The following DNAJC17 variants were observed in gnomAD, a reference collection of about 807,000 sequenced individuals.
DNAJC17 encodes DnaJ heat shock protein family (Hsp40) member C17.
A neutral mutation model predicts 48.1 loss-of-function variants in DNAJC17; 35 were observed. That is an observed-to-expected ratio of 0.73 (90% CI 0.56 to 0.96). The LOEUF is 0.96. Ranked by LOEUF, DNAJC17 falls within the 50% of genes least tolerant of loss-of-function variation. The pLI is 0.00. For missense variants in DNAJC17, 355 were observed against 377.1 expected (o/e 0.94, Z 0.48); for synonymous variants, 117 against 142.7 (o/e 0.82, Z 1.28).
rs763466280 is a variant in DNAJC17 at position 40,769,605 on chromosome 15, C to G, written c.793-1543G>C. ...GTTCCTGCTCGTGAGGGCCTGACAG[C>G]GGGGCTGAGTCACCCATACCAGCTA... On this transcript the variant is annotated intron_variant, in intron 10 of 10. Coordinates refer to ENST00000220496, the MANE Select transcript of DNAJC17 (RefSeq NM_018163.3). This position sits in a 1 kb window ranked among gnomAD's most constrained non-coding sequence, Gnocchi z 4.2. 6.6e-6 allele frequency among the ~76,000 whole-genome samples: 1 copy of G among 152,358 alleles called. No individual in the cohort carries two copies. Among genetic ancestry groups the G allele is most frequent in the South Asian group, 2.1e-4 (1 of 4,832 alleles).
chr15:40,768,519 G>T (rs1000581857), intron 10 of DNAJC17, among the ~76,000 whole-genome samples: 1 of 152,150 alleles, frequency 6.6e-6, no homozygotes, highest in Non-Finnish European at 1.5e-5. Context: ...CTCTATGCCC[G>T]GTGCCCTGTG....
intron 2 of DNAJC17, 127 bp from the exon 3 acceptor site, chr15:40,779,730 G>T: frequency 8.4e-7 from 1 of 1,195,466 alleles, no homozygotes; most frequent in Non-Finnish European, 1.2e-6. Flanking sequence ...ATCAGCAGAT[G>T]ACAGACCAAC....
chr15:40,775,516 G>A (rs1468257156), intron 7 of DNAJC17, 37 bp downstream of exon 7: 1 of 1,610,056 alleles, frequency 6.2e-7, no homozygotes, highest in East Asian at 2.2e-5. Flanking sequence ...GAGGCGGTGT[G>A]AGTGTGAGGT....
intron 10 of DNAJC17, among the ~76,000 whole-genome samples, chr15:40,773,482 C>T (rs1889215751): frequency 6.6e-6 from 1 of 152,158 alleles, no homozygotes; most frequent in Admixed American, 6.6e-5. Context: ...AGGAGAGTCC[C>T]AACAGGAGGC....
intron 1 of DNAJC17, among the ~76,000 whole-genome samples, chr15:40,795,567 G>C (rs938884047): frequency 2.0e-5 from 3 of 152,116 alleles, no homozygotes; most frequent in African/African-American, 7.2e-5. Context: ...AAATGAAAAA[G>C]AACCAGGCAG....
At chr15:40,776,744 A>T in intron 4 of DNAJC17, 117 bp from the exon 5 acceptor site, 1 of 960,176 alleles carries the variant, frequency 1.0e-6, no homozygotes, top group East Asian at 2.4e-5. Context: ...TCATACAGTA[A>T]CTCTGCCCCC....
At chr15:40,789,619 G>C (rs1214270498) in intron 1 of DNAJC17, among the ~76,000 whole-genome samples, 1 of 151,840 alleles carries the variant, frequency 6.6e-6, no homozygotes, top group Non-Finnish European at 1.5e-5. Context: ...AACTCCTAGA[G>C]GCCTGGGTCT....
intron 1 of DNAJC17, among the ~76,000 whole-genome samples, chr15:40,792,815 C>T (rs927637034): frequency 1.3e-5 from 2 of 151,610 alleles, no homozygotes; most frequent in South Asian, 2.1e-4. Context: ...GCTGGATGGT[C>T]GTGGAAAATT....
At chr15:40,804,383 G>C (rs1025814510) in intron 1 of DNAJC17, among the ~76,000 whole-genome samples, 15 of 151,096 alleles carry the variant, frequency 9.9e-5, no homozygotes, top group African/African-American at 1.9e-4. Flanking sequence ...TTCGACACCA[G>C]CCTGGGCAAT....
intron 1 of DNAJC17, among the ~76,000 whole-genome samples, chr15:40,790,356 T>C (rs905733888): frequency 1.3e-5 from 2 of 152,108 alleles, no homozygotes; most frequent in African/African-American, 4.8e-5. Flanking sequence ...GGTGGATCAC[T>C]TGAGGTCAGG....
intron 1 of DNAJC17, among the ~76,000 whole-genome samples, chr15:40,782,719 G>A (rs1889536330): frequency 6.6e-6 from 1 of 152,140 alleles, no homozygotes; most frequent in South Asian, 2.1e-4. Context: ...TCAGAGGTAA[G>A]CAGCCAGCAT....
At chr15:40,804,821 G>A (rs1890159427) in intron 1 of DNAJC17, among the ~76,000 whole-genome samples, 1 of 152,094 alleles carries the variant, frequency 6.6e-6, no homozygotes, top group Non-Finnish European at 1.5e-5. Flanking sequence ...GACCAACATG[G>A]TGAAACCCTG....
At chr15:40,804,144 T>TAG (rs1246222740) in intron 1 of DNAJC17, among the ~76,000 whole-genome samples, 141 of 150,326 alleles carry the variant, frequency 9.4e-4, no homozygotes, top group African/African-American at 3.3e-3. Flanking sequence ...TTTTTTTATA[T>TAG]ATAGAGAGAG....
intron 1 of DNAJC17, among the ~76,000 whole-genome samples, chr15:40,802,985 C>T (rs1392006490): frequency 1.3e-5 from 2 of 151,978 alleles, no homozygotes; most frequent in Non-Finnish European, 2.9e-5. Context: ...CACCTGTGGT[C>T]CCAGCTACTT....
At chr15:40,779,517 C>T (rs16971001) in intron 3 of DNAJC17, 28 bp downstream of exon 3, 29,103 of 1,613,692 alleles carry the variant, frequency 0.018, 714 homozygotes, top group African/African-American at 0.092. Flanking sequence ...CCATGGGGGA[C>T]GATTCCGATG....
At chr15:40,791,303 G>A (rs566068295) in intron 1 of DNAJC17, among the ~76,000 whole-genome samples, 57 of 152,300 alleles carry the variant, frequency 3.7e-4, no homozygotes, top group Non-Finnish European at 7.1e-4. Context: ...CAAGGCAGGC[G>A]ATCACCTGAG....
intron 1 of DNAJC17, among the ~76,000 whole-genome samples, chr15:40,788,289 A>ATGG (rs1889695655): frequency 6.6e-6 from 1 of 152,224 alleles, no homozygotes; most frequent in Admixed American, 6.5e-5. Context: ...CTGGCCAGGC[A>ATGG]TGGTGGCTGA....
Position 40,765,867 on chromosome 15 carries a change from C to G in DNAJC17, c.*2073G>C. ...ATGGTGGGCGATGAACAGTCGGATC[C>G]AGAGCTGATGCAGCATCTGGGGGCT... On this transcript the variant is annotated 3_prime_UTR_variant, in exon 11 of 11. Coordinates refer to ENST00000220496, the MANE Select transcript of DNAJC17 (RefSeq NM_018163.3). 1 of 1,586,048 alleles carries G rather than the reference C, an allele frequency of 6.3e-7. No individual in the cohort carries two copies. Among genetic ancestry groups the G allele is most frequent in the Non-Finnish European group, 8.6e-7 (1 of 1,161,626 alleles).
chr15:40,800,002 T>TTTG (rs796308273), intron 1 of DNAJC17, among the ~76,000 whole-genome samples: 24 of 151,626 alleles, frequency 1.6e-4, no homozygotes, highest in African/African-American at 4.4e-4. Flanking sequence ...GGGTTTTTTT[T>TTTG]TTGTTGTTGT....
Sources: allele counts gnomAD v4.1 joint callset (sites outside exome capture counted in the v4.1 genomes callset), GRCh38; gene constraint gnomAD v4.1.1; non-coding constraint Gnocchi (gnomAD v3.1); transcripts MANE v1.5; gene names NCBI Gene and HGNC (gene_info 2026-07-23, HGNC 2026-07-21).